The following CDH4 variants were observed in gnomAD, a reference collection of about 807,000 sequenced individuals.
CDH4 encodes the protein cadherin-4.
In CDH4, 33 loss-of-function variants were observed where a neutral mutation model predicts 86.0. The observed-to-expected ratio is 0.38, with a 90% CI of 0.29 to 0.51. The LOEUF (loss-of-function observed/expected upper bound fraction) is 0.51. CDH4 is among the 20% of genes least tolerant of loss of function. The pLI is 0.86. For synonymous variants in CDH4, 555 were observed against 549.4 expected, an observed-to-expected ratio of 1.01 and a Z score of -0.14; for missense variants, 1,114 against 1,307.4, an observed-to-expected ratio of 0.85 and a Z score of 2.28.
chr20:61,341,044 G>C (rs2084646901), intron 2 of CDH4, among the ~76,000 whole-genome samples: 1 of 152,184 alleles, frequency 6.6e-6, no homozygotes, highest in Non-Finnish European at 1.5e-5. Flanking sequence ...GAGGCCGCTT[G>C]GGATGAAACC....
intron 2 of CDH4, among the ~76,000 whole-genome samples, chr20:61,571,578 C>T (rs1568691862): frequency 6.6e-6 from 1 of 152,196 alleles, no homozygotes; most frequent in Non-Finnish European, 1.5e-5. Context: ...CTTTCTGCAG[C>T]AACAGGGTCC....
chr20:61,481,112 G>A (rs902923633), intron 2 of CDH4, among the ~76,000 whole-genome samples: 4 of 152,204 alleles, frequency 2.6e-5, no homozygotes, highest in Non-Finnish European at 5.9e-5. Flanking sequence ...AAGTCTCCCA[G>A]TGACAAATCC....
At chr20:61,897,066 A>G (rs1985162824) in intron 8 of CDH4, among the ~76,000 whole-genome samples, 1 of 152,202 alleles carries the variant, frequency 6.6e-6, no homozygotes, top group Non-Finnish European at 1.5e-5. Context: ...AGGGAGTCAC[A>G]CTGAGCCCCC....
At chr20:61,588,132 AGCC>A in intron 2 of CDH4, among the ~76,000 whole-genome samples, 1 of 152,352 alleles carries the variant, frequency 6.6e-6, no homozygotes, top group Non-Finnish European at 1.5e-5. Context: ...CCAAGCGCTT[AGCC>A]TGCCACGACC....
intron 2 of CDH4, among the ~76,000 whole-genome samples, chr20:61,422,216 C>T (rs949886250): frequency 1.3e-5 from 2 of 151,918 alleles, no homozygotes; most frequent in Non-Finnish European, 2.9e-5. Flanking sequence ...CACCTGAGGT[C>T]GGGAGTTCAT....
intron 4 of CDH4, among the ~76,000 whole-genome samples, chr20:61,788,094 G>A (rs1424025061): frequency 6.6e-6 from 1 of 152,178 alleles, no homozygotes; most frequent in African/African-American, 2.4e-5. Flanking sequence ...GTAGCAGGAG[G>A]CAGCTTCTCA....
At position 61,397,533 on chromosome 20, in the gene CDH4, C is replaced by T. The variant is rs528706898; in HGVS notation, c.169+142596C>T. On this transcript the variant is annotated intron_variant, in intron 2 of 15. Transcript: ENST00000614565. ...ACGCCGTCGAGACCGAACTTGAAAC[C>T]TGGGTCTTGTTACTGGAGGTAGCCC... Among the ~76,000 whole-genome samples, 33 of 152,228 alleles carry T rather than the reference C, an allele frequency of 2.2e-4. No individual in the cohort carries two copies. The Middle Eastern group carries it at 0.01, about 47-fold the overall frequency.
At chr20:61,323,494 G>A (rs933143387) in intron 2 of CDH4, among the ~76,000 whole-genome samples, 1 of 152,206 alleles carries the variant, frequency 6.6e-6, no homozygotes, top group African/African-American at 2.4e-5. Context: ...AAAATAATGT[G>A]TGATGCCTAT....
intron 2 of CDH4, among the ~76,000 whole-genome samples, chr20:61,487,770 C>G (rs544660447): frequency 6.6e-6 from 1 of 152,334 alleles, no homozygotes; most frequent in African/African-American, 2.4e-5. Context: ...CTCCCAGCTG[C>G]CAAGTTCACC....
intron 2 of CDH4, among the ~76,000 whole-genome samples, chr20:61,551,157 G>A (rs1313479644): frequency 6.6e-6 from 1 of 152,196 alleles, no homozygotes; most frequent in Non-Finnish European, 1.5e-5. Context: ...TTTGCACATG[G>A]CATGTCATGG....
intron 2 of CDH4, among the ~76,000 whole-genome samples, chr20:61,285,938 G>T (rs918992536): frequency 6.6e-6 from 1 of 152,206 alleles, no homozygotes; most frequent in Non-Finnish European, 1.5e-5. Flanking sequence ...CGGCTCAGAG[G>T]CATCCCAGAT....
Position 61,565,311 on chromosome 20 carries a change from T to TGATGG in CDH4, c.170-178251_170-178250insATGGG, listed in dbSNP as rs1191298276. Among the ~76,000 whole-genome samples, 10 of 117,194 alleles carry TGATGG rather than the reference T, an allele frequency of 8.5e-5. 2 individuals carry two copies. The highest frequency in any genetic ancestry group is 1.8e-4 in the Non-Finnish European group (9 of 51,214). The allele number at this position is 117,194 out of a possible 152,430, so 76.9% of individuals were successfully genotyped here. A position where few individuals can be genotyped will look rare whatever the true frequency, so the allele number is the denominator to read the frequency against. The stretch of plus-strand genomic sequence containing the variant: ...GTGATGGTGGTGGCGGTGCTCTTGG[T>TGATGG]GGTGGCGGTGCTCTTGGTGATGGTG... On this transcript the variant is annotated intron_variant, in intron 2 of 15. Transcript: ENST00000614565.
At chr20:61,572,493 C>G (rs978592945) in intron 2 of CDH4, among the ~76,000 whole-genome samples, 1 of 152,096 alleles carries the variant, frequency 6.6e-6, no homozygotes. Context: ...TGGGGTGAGC[C>G]TCTGCCCTCT....
At position 61,929,830 on chromosome 20, in the gene CDH4, C is replaced by T; in HGVS notation, c.2227C>T (p.Leu743Phe). The T allele has an allele frequency of 6.2e-7, 1 of 1,613,616 alleles. No individual in the cohort carries two copies. The highest frequency in any genetic ancestry group is 8.5e-7 in the Non-Finnish European group (1 of 1,179,702). The change falls in exon 13 of 16, where the codon CTC becomes TTC. Residue 743 changes from leucine (L) to phenylalanine (F), a missense_variant. Physicochemically the swap from Leu to Phe is conservative, Grantham distance 22. Coordinates refer to ENST00000614565, the MANE Select transcript of CDH4 (RefSeq NM_001794.5). ...CATCGTGGCCATCCTCATCTGCATC[C>T]TCATCCTGCTGAGTGAGTGTGGCTG... ...GAIVAILICILILLTMVLLFV... is the reference protein window; with the variant it reads ...GAIVAILICIFILLTMVLLFV...
intron 4 of CDH4, among the ~76,000 whole-genome samples, chr20:61,817,712 T>C (rs1225898333): frequency 6.6e-6 from 1 of 152,194 alleles, no homozygotes; most frequent in Non-Finnish European, 1.5e-5. Flanking sequence ...CATCCACACG[T>C]GCCGCCTGCC....
intron 2 of CDH4, among the ~76,000 whole-genome samples, chr20:61,361,472 C>G (rs1313074401): frequency 6.6e-6 from 1 of 152,150 alleles, no homozygotes; most frequent in Non-Finnish European, 1.5e-5. Flanking sequence ...GAGGGGGATA[C>G]AGCTGCAGTG....
At chr20:61,621,027 C>T (rs6061675) in intron 2 of CDH4, among the ~76,000 whole-genome samples, 75,203 of 152,158 alleles carry the variant, frequency 0.49, 19,686 homozygotes, top group East Asian at 0.68. Context: ...TTATCTGTGT[C>T]CAAATAAGCG....
At chr20:61,923,892 C>T (rs1193331638) in intron 10 of CDH4, among the ~76,000 whole-genome samples, 188 bp downstream of exon 10, 1 of 152,204 alleles carries the variant, frequency 6.6e-6, no homozygotes, top group Admixed American at 6.5e-5. Flanking sequence ...CAGATGCAGC[C>T]CCTGATCAAT....
intron 4 of CDH4, among the ~76,000 whole-genome samples, chr20:61,774,866 T>A (rs955035989): frequency 7.2e-5 from 11 of 152,248 alleles, no homozygotes; most frequent in African/African-American, 2.7e-4. Context: ...CGTTCCTTTT[T>A]ATGGCTGCAT....
Sources: gnomAD v4.1 joint callset for allele counts (sites outside exome capture counted in the v4.1 genomes callset) on GRCh38, gnomAD v4.1.1 for gene constraint, MANE v1.5 for transcripts, NCBI Gene and HGNC (gene_info 2026-07-23, HGNC 2026-07-21) for gene names.